NOL10: variants seen among roughly 807,000 people sequenced by gnomAD.
NOL10 encodes the protein H_NH0074G24.1.
A neutral mutation model predicts 103.5 loss-of-function variants in NOL10; 58 were observed. That is an observed-to-expected ratio of 0.56 (90% CI 0.45 to 0.70). The LOEUF (loss-of-function observed/expected upper bound fraction) is 0.70, where lower values mean the gene tolerates loss of function less well. Ranked by LOEUF, NOL10 falls within the 30% of genes least tolerant of loss-of-function variation. NOL10 has a pLI of 0.00. For missense variants in NOL10, 763 were observed against 807.3 expected (o/e 0.95, Z 0.67); for synonymous variants, 287 against 282.5 (o/e 1.02, Z -0.16).
At chr2:10,640,758 C>T (rs890893779) in intron 13 of NOL10, among the ~76,000 whole-genome samples, 3 of 152,144 alleles carry the variant, frequency 2.0e-5, no homozygotes, top group Non-Finnish European at 2.9e-5. Context: ...CAATGGGTCT[C>T]TTACAGTTCT....
rs918583852 is a variant in NOL10 at position 10,659,069 on chromosome 2, T to C, written c.756+103A>G. 7.5e-6 allele frequency: 6 copies of C among 794,872 alleles called. No homozygotes were observed. In the African/African-American group the frequency reaches 8.6e-5, roughly 11 times the overall value. The allele number at this position is 794,872 out of a possible 1,614,324, so 49.2% of individuals were successfully genotyped here. A position where few individuals can be genotyped will look rare whatever the true frequency, so the allele number is the denominator to read the frequency against. ...GGAATACCCTCTGGTCTGGCTAAAATAGTATGATCTCATTTTCTGTTCCTG... is the reference window on the plus strand; with the variant it reads ...GGAATACCCTCTGGTCTGGCTAAAACAGTATGATCTCATTTTCTGTTCCTG... On this transcript the variant is annotated intron_variant, in intron 10 of 20. Transcript: ENST00000381685.
intron 13 of NOL10, among the ~76,000 whole-genome samples, chr2:10,614,208 C>A (rs992214567): frequency 1.3e-5 from 2 of 152,128 alleles, no homozygotes; most frequent in Non-Finnish European, 2.9e-5. Flanking sequence ...GATCCGCTCA[C>A]CTCGGCCTCC....
intron 1 of NOL10, among the ~76,000 whole-genome samples, chr2:10,689,337 A>T (rs1404473953): frequency 3.9e-5 from 6 of 152,186 alleles, no homozygotes; most frequent in African/African-American, 1.2e-4. Flanking sequence ...TACACCATAA[A>T]TTCTGCAGAT....
Position 10,654,492 on chromosome 2 carries a change from T to A in NOL10, c.962A>T (p.Tyr321Phe), listed in dbSNP as rs200890328. The A allele has an allele frequency of 4.2e-5, 67 of 1,598,950 alleles. No homozygotes were observed. The highest frequency in any genetic ancestry group is 5.7e-5 in the Non-Finnish European group (67 of 1,174,992). ...PEHDLNDVCL[Y>F]PNSGMLLTAN... ...TACAGAATGCATACCTGAGTTGGGGTAGAGACAAACATCATTAAGGTCATG... is the reference window on the plus strand; with the variant it reads ...TACAGAATGCATACCTGAGTTGGGGAAGAGACAAACATCATTAAGGTCATG... The change falls in exon 12 of 21, where the codon TAC (tyrosine) becomes TTC (phenylalanine). Residue 321 changes from tyrosine (Y) to phenylalanine (F), a missense_variant. Tyr to Phe is a conservative substitution (Grantham distance 22, BLOSUM62 3). Coordinates refer to ENST00000381685, the MANE Select transcript of NOL10 (RefSeq NM_024894.4).
chr2:10,632,357 T>G (rs1015923496), intron 13 of NOL10, among the ~76,000 whole-genome samples: 1 of 152,204 alleles, frequency 6.6e-6, no homozygotes, highest in Non-Finnish European at 1.5e-5. Context: ...CTACTCAACT[T>G]TGCCATTATA....
At chr2:10,655,713 A>G (rs1679802030) in intron 11 of NOL10, among the ~76,000 whole-genome samples, 1 of 152,258 alleles carries the variant, frequency 6.6e-6, no homozygotes, top group Admixed American at 6.5e-5. Flanking sequence ...TACTGTAGCA[A>G]TTACAGTGTG....
chr2:10,629,156 G>A (rs1208637408), intron 13 of NOL10, among the ~76,000 whole-genome samples: 1 of 115,930 alleles, frequency 8.6e-6, no homozygotes, highest in South Asian at 3.0e-4. Flanking sequence ...ACATCTTGAA[G>A]GGCTTTTATT....
At chr2:10,645,965 A>C (rs1009251090) in intron 12 of NOL10, among the ~76,000 whole-genome samples, 4 of 150,542 alleles carry the variant, frequency 2.7e-5, no homozygotes, top group Non-Finnish European at 5.9e-5. Flanking sequence ...ACACACACAC[A>C]CACCCCGTAA....
In NOL10 at chr2:10,590,245, G is replaced by A. The variant is rs143049668; in HGVS notation, c.1423-494C>T. On this transcript the variant is annotated intron_variant, in intron 17 of 20. Transcript: ENST00000381685. The stretch of plus-strand genomic sequence containing the variant: ...CCTCAGTCAGGCTCCCAAGTAGCTG[G>A]GACCACAGGTGCACCACCGCACCCG... Among the ~76,000 whole-genome samples the A allele has an allele frequency of 5.1e-3, 768 of 152,074 alleles. 8 individuals are homozygous for A. The highest frequency in any genetic ancestry group is 0.018 in the African/African-American group (734 of 41,462).
At chr2:10,636,485 G>A (rs1217806075) in intron 13 of NOL10, among the ~76,000 whole-genome samples, 2 of 143,836 alleles carry the variant, frequency 1.4e-5, no homozygotes. Flanking sequence ...GCATATACCT[G>A]TAGTCCCAGA....
chr2:10,677,871 G>A (rs10929691), intron 3 of NOL10, among the ~76,000 whole-genome samples: 86,014 of 145,862 alleles, frequency 0.59, 26,852 homozygotes, highest in Non-Finnish European at 0.7. Context: ...GTGTGTGTGT[G>A]TATACACATA....
intron 6 of NOL10, among the ~76,000 whole-genome samples, chr2:10,669,085 T>C (rs2148337597): frequency 1.3e-5 from 2 of 152,160 alleles, no homozygotes; most frequent in Middle Eastern, 3.4e-3. Context: ...CTGAATTTTT[T>C]CTTTTTTTTT....
chr2:10,632,267 G>A (rs1171049438), intron 13 of NOL10, among the ~76,000 whole-genome samples: 1 of 152,156 alleles, frequency 6.6e-6, no homozygotes, highest in African/African-American at 2.4e-5. Context: ...ACATTACAAT[G>A]GGGAAATATA....
At chr2:10,588,316 C>T (rs1425816851) in intron 19 of NOL10, among the ~76,000 whole-genome samples, 1 of 152,144 alleles carries the variant, frequency 6.6e-6, no homozygotes, top group African/African-American at 2.4e-5. Flanking sequence ...GTACAACCAC[C>T]ACTACCAACT....
chr2:10,597,754 A>T (rs1412583608), intron 17 of NOL10, among the ~76,000 whole-genome samples: 1 of 152,218 alleles, frequency 6.6e-6, no homozygotes, highest in Non-Finnish European at 1.5e-5. Flanking sequence ...GAATTCTGTT[A>T]TCACGTGATA....
chr2:10,604,885 G>A (rs950783414), intron 14 of NOL10: 1 of 152,166 alleles, frequency 6.6e-6, no homozygotes, highest in Admixed American at 6.5e-5. Context: ...CCTTCCGTTT[G>A]GAGATTTACA....
chr2:10,642,478 C>A (rs935793756), intron 13 of NOL10, among the ~76,000 whole-genome samples: 1 of 152,124 alleles, frequency 6.6e-6, no homozygotes. Context: ...CTGATCCTAT[C>A]CCCCCGCTTA....
chr2:10,667,401 C>A, intron 7 of NOL10, 123 bp from the exon 8 acceptor site: 1 of 722,744 alleles, frequency 1.4e-6, no homozygotes, highest in Non-Finnish European at 2.4e-6. Context: ...CAGATTCTCT[C>A]TTACTAATCT....
At chr2:10,592,620 C>A (rs549486175) in intron 17 of NOL10, among the ~76,000 whole-genome samples, 1 of 152,196 alleles carries the variant, frequency 6.6e-6, no homozygotes, top group Non-Finnish European at 1.5e-5. Flanking sequence ...AACCCAAGGG[C>A]AAATATTTAC....
Sources: allele counts gnomAD v4.1 joint callset (sites outside exome capture counted in the v4.1 genomes callset), GRCh38; gene constraint gnomAD v4.1.1; transcripts MANE v1.5; gene names NCBI Gene and HGNC (gene_info 2026-07-23, HGNC 2026-07-21).